SLAMF1: variants seen among roughly 807,000 people sequenced by gnomAD.
The protein encoded by SLAMF1 is signaling lymphocytic activation molecule family member 1.
SLAMF1 carries 18 observed loss-of-function variants against 35.1 expected under a neutral mutation model. That is an observed-to-expected ratio of 0.51 (90% confidence interval 0.35 to 0.76). The LOEUF is 0.76. Ranked by LOEUF, SLAMF1 falls within the 30% of genes least tolerant of loss-of-function variation. The pLI, the probability that SLAMF1 is intolerant of heterozygous loss-of-function variation, is 0.01. For synonymous variants in SLAMF1, 168 were observed against 157.2 expected, an observed-to-expected ratio of 1.07 and a Z score of -0.51; for missense variants, 392 against 413.0, an observed-to-expected ratio of 0.95 and a Z score of 0.44.
intron 1 of SLAMF1, among the ~76,000 whole-genome samples, chr1:160,641,655 T>A (rs1465153306): frequency 2.6e-5 from 4 of 151,944 alleles, no homozygotes; most frequent in Non-Finnish European, 1.5e-5. Flanking sequence ...ACGCAATACC[T>A]GAGTGTGTGA....
At chr1:160,630,187 A>G (rs2102320982) in intron 3 of SLAMF1, among the ~76,000 whole-genome samples, 1 of 152,352 alleles carries the variant, frequency 6.6e-6, no homozygotes, top group Non-Finnish European at 1.5e-5. Flanking sequence ...CACTGTCCAC[A>G]GCTGACCCAC....
rs756598721 is a variant in SLAMF1 at position 160,634,567 on chromosome 1, C to G, written c.700+46G>C. ...GCAATTGGACCATGTGAAGACTGAGCCCATGCTCATTAAGGTGGCACACAG... is the reference window on the plus strand; with the variant it reads ...GCAATTGGACCATGTGAAGACTGAGGCCATGCTCATTAAGGTGGCACACAG... On this transcript the variant is annotated intron_variant, in intron 3 of 6. Coordinates refer to ENST00000302035, the MANE Select transcript of SLAMF1 (RefSeq NM_003037.5). 1.2e-5 allele frequency: 18 copies of G among 1,539,704 alleles called. No homozygotes were observed. In the Admixed American group the frequency reaches 3.3e-4, roughly 28 times the overall value.
At chr1:160,644,753 T>C (rs565169162) in intron 1 of SLAMF1, among the ~76,000 whole-genome samples, 4 of 152,282 alleles carry the variant, frequency 2.6e-5, no homozygotes, top group Admixed American at 2.6e-4. Flanking sequence ...ATCACAGTAT[T>C]AATATTTTTG....
At chr1:160,619,629 T>A (rs995266458) in intron 5 of SLAMF1, 147 bp downstream of exon 5, 2 of 678,336 alleles carry the variant, frequency 2.9e-6, no homozygotes, top group Non-Finnish European at 5.3e-6. Context: ...GTTTAGTGAC[T>A]TTAGGAGAAC....
Position 160,646,990 on chromosome 1 carries a change from C to T in SLAMF1, c.-45G>A, listed in dbSNP as rs745671822. The T allele has an allele frequency of 9.7e-7, 1 of 1,029,840 alleles. No homozygotes were observed. The highest frequency in any genetic ancestry group is 1.8e-5 in the Admixed American group (1 of 54,454). The allele number at this position is 1,029,840 out of a possible 1,614,324, so 63.8% of individuals were successfully genotyped here. On this transcript the variant is annotated 5_prime_UTR_variant, in exon 1 of 7. Coordinates refer to ENST00000302035, the MANE Select transcript of SLAMF1 (RefSeq NM_003037.5). ...AGGGATCCTGGCCGGAGCCTGGCAG[C>T]TGCTCACAGATGCCAGGCAGAAGCA...
chr1:160,623,690 C>T, intron 4 of SLAMF1: 2 of 400,192 alleles, frequency 5.0e-6, no homozygotes, highest in Non-Finnish European at 8.8e-6. Flanking sequence ...AATAATTGTG[C>T]CTTATTGGTT....
chr1:160,624,825 C>T (rs1391425415), intron 3 of SLAMF1, among the ~76,000 whole-genome samples: 1 of 152,160 alleles, frequency 6.6e-6, no homozygotes, highest in African/African-American at 2.4e-5. Context: ...ATTGTTTTCT[C>T]TCCTTTACCC....
chr1:160,623,078 C>T (rs1438735920), intron 4 of SLAMF1, among the ~76,000 whole-genome samples: 1 of 152,022 alleles, frequency 6.6e-6, no homozygotes, highest in African/African-American at 2.4e-5. Context: ...GAGCACTATT[C>T]CCTTAGAGCA....
At chr1:160,619,125 C>T (rs1309737824) in intron 5 of SLAMF1, among the ~76,000 whole-genome samples, 1 of 151,884 alleles carries the variant, frequency 6.6e-6, no homozygotes, top group Non-Finnish European at 1.5e-5. Context: ...TATACAATAC[C>T]AAGAATTGCC....
At chr1:160,616,305 A>G (rs1406110330) in intron 5 of SLAMF1, among the ~76,000 whole-genome samples, 1 of 152,092 alleles carries the variant, frequency 6.6e-6, no homozygotes, top group African/African-American at 2.4e-5. Context: ...AGGACATTTG[A>G]AATATTTCTA....
intron 4 of SLAMF1, among the ~76,000 whole-genome samples, chr1:160,622,335 G>A (rs896346596): frequency 1.3e-4 from 20 of 152,198 alleles, no homozygotes; most frequent in African/African-American, 4.1e-4. Context: ...GACAAATCAC[G>A]TCATCTCAAT....
At chr1:160,628,687 G>A (rs117090009) in intron 3 of SLAMF1, among the ~76,000 whole-genome samples, 1 of 152,146 alleles carries the variant, frequency 6.6e-6, no homozygotes, top group African/African-American at 2.4e-5. Flanking sequence ...AATTAAATGA[G>A]AGTCCACAAA....
intron 1 of SLAMF1, among the ~76,000 whole-genome samples, chr1:160,639,294 C>T (rs988772371): frequency 1.1e-4 from 16 of 152,118 alleles, no homozygotes; most frequent in African/African-American, 3.6e-4. Flanking sequence ...GTTGCGATCT[C>T]GGCTCACTGC....
intron 3 of SLAMF1, among the ~76,000 whole-genome samples, chr1:160,625,503 A>G (rs866174058): frequency 1.3e-5 from 2 of 152,226 alleles, no homozygotes; most frequent in African/African-American, 4.8e-5. Context: ...CCAGCCTGAT[A>G]GCTGGCAAGA....
At chr1:160,629,108 G>C (rs1238462347) in intron 3 of SLAMF1, among the ~76,000 whole-genome samples, 1 of 152,176 alleles carries the variant, frequency 6.6e-6, no homozygotes, top group Non-Finnish European at 1.5e-5. Context: ...CTTAGAGGCG[G>C]CCGAGCAGGC....
intron 3 of SLAMF1, among the ~76,000 whole-genome samples, chr1:160,624,480 T>C (rs1192942887): frequency 1.3e-5 from 2 of 152,208 alleles, no homozygotes; most frequent in Non-Finnish European, 1.5e-5. Context: ...ATTATCTTCA[T>C]CTCTCCTAAG....
At chr1:160,631,032 T>C (rs995675648) in intron 3 of SLAMF1, among the ~76,000 whole-genome samples, 11 of 152,180 alleles carry the variant, frequency 7.2e-5, no homozygotes, top group African/African-American at 2.7e-4. Context: ...TAATCTCGGA[T>C]CATTGTTTAC....
intron 6 of SLAMF1, among the ~76,000 whole-genome samples, chr1:160,611,546 G>T (rs1412678545): frequency 1.3e-5 from 2 of 152,166 alleles, no homozygotes; most frequent in Non-Finnish European, 2.9e-5. Flanking sequence ...GTGGATGCAG[G>T]CATTTGTGTG....
At position 160,619,811 on chromosome 1, in the gene SLAMF1, T is replaced by C. The variant is rs1570974540; in HGVS notation, c.829A>G (p.Ser277Gly). 1.3e-6 allele frequency: 2 copies of C among 1,589,644 alleles called. No individual in the cohort carries two copies. Among genetic ancestry groups the C allele is most frequent in the Non-Finnish European group, 1.7e-6 (2 of 1,158,830 alleles). Residue 277 changes from serine (S) to glycine (G), a missense_variant, in exon 5 of 7, where the codon AGC becomes GGC. Transcript: ENST00000302035. ...NHYQTTVEKK[S>G]LTIYAQVQKP... ...TGGACTTGGGCATAGATCGTAAGGC[T>C]TTTTTTTTCCACTGTTGTCTGGTAA...
Sources: allele counts gnomAD v4.1 joint callset (sites outside exome capture counted in the v4.1 genomes callset), GRCh38; gene constraint gnomAD v4.1.1; transcripts MANE v1.5; gene names NCBI Gene and HGNC (gene_info 2026-07-23, HGNC 2026-07-21).